Variants in CSMD3 observed in about 807,000 individuals in gnomAD.
The protein encoded by CSMD3 is CUB and sushi domain-containing protein 3.
Under a neutral mutation model 435.2 loss-of-function variants are expected in CSMD3, and 177 were observed. That is an observed-to-expected ratio of 0.41 (90% CI 0.36 to 0.46). CSMD3 has a LOEUF of 0.46. CSMD3 is among the 20% of genes least tolerant of loss of function. CSMD3 has a pLI of 0.34. For synonymous variants in CSMD3, 1,656 were observed against 1,520.5 expected, an observed-to-expected ratio of 1.09 and a Z score of -2.07; for missense variants, 4,265 against 4,504.6, an observed-to-expected ratio of 0.95 and a Z score of 1.52.
intron 4 of CSMD3, among the ~76,000 whole-genome samples, chr8:113,134,683 C>T (rs2356050): frequency 0.68 from 103,463 of 151,948 alleles, 37,052 homozygotes; most frequent in East Asian, 0.95. Context: ...GGGTTTTCAA[C>T]AGCCTTTATA....
intron 5 of CSMD3, among the ~76,000 whole-genome samples, chr8:113,043,933 G>C: frequency 6.6e-6 from 1 of 151,766 alleles, no homozygotes; most frequent in East Asian, 1.9e-4. Context: ...ACATATCCTA[G>C]GATTTTAAAA....
chr8:112,891,965 T>C (rs2081805363), intron 10 of CSMD3, among the ~76,000 whole-genome samples: 1 of 151,398 alleles, frequency 6.6e-6, no homozygotes, highest in Non-Finnish European at 1.5e-5. Flanking sequence ...TGTGGGAATA[T>C]AAAATTATGT....
intron 5 of CSMD3, among the ~76,000 whole-genome samples, chr8:113,070,915 C>T (rs916924858): frequency 2.0e-5 from 3 of 151,994 alleles, no homozygotes; most frequent in African/African-American, 7.2e-5. Context: ...CCATAAAGAG[C>T]ATACCAATTT....
intron 5 of CSMD3, among the ~76,000 whole-genome samples, chr8:113,086,239 A>G (rs2089773475): frequency 6.7e-6 from 1 of 148,994 alleles, no homozygotes. Flanking sequence ...ACAAAGCGAG[A>G]CTCCGTCAAA....
At chr8:113,171,897 C>G (rs1375635704) in intron 4 of CSMD3, among the ~76,000 whole-genome samples, 1 of 152,198 alleles carries the variant, frequency 6.6e-6, no homozygotes, top group Non-Finnish European at 1.5e-5. Flanking sequence ...ACTCTGCTTA[C>G]AGCCTTGAGA....
At chr8:112,501,176 G>A (rs1821915141) in intron 30 of CSMD3, among the ~76,000 whole-genome samples, 1 of 151,394 alleles carries the variant, frequency 6.6e-6, no homozygotes, top group African/African-American at 2.4e-5. Context: ...AATCTTCTTG[G>A]CGCCAAATGA....
Position 112,254,282 on chromosome 8 carries a change from C to A in CSMD3, c.10081G>T (p.Gly3361Ter). The A allele has an allele frequency of 6.2e-7, 1 of 1,612,654 alleles. No individual in the cohort carries two copies. The highest frequency in any genetic ancestry group is 8.5e-7 in the Non-Finnish European group (1 of 1,178,908). ...SCENPGVPRH[G>*]SQNNTFGFQV... The stretch of plus-strand genomic sequence containing the variant: ...AATCCGAATGTATTGTTCTGAGATC[C>A]ATGCCGAGGCACACCTGGGTTTTCA... The change falls in exon 63 of 71, where the codon GGA becomes TGA. Residue 3361 changes from glycine to a stop codon, truncating the protein, a stop_gained. Coordinates refer to ENST00000297405, the MANE Select transcript of CSMD3 (RefSeq NM_198123.2). LOFTEE classifies it high-confidence loss of function.
chr8:112,653,458 T>A (rs909009899), intron 18 of CSMD3, among the ~76,000 whole-genome samples: 8 of 152,158 alleles, frequency 5.3e-5, no homozygotes, highest in African/African-American at 1.9e-4. Context: ...GTTTGTTCTG[T>A]ATCCATTTTC....
At chr8:112,310,940 A>G (rs375668168) in intron 50 of CSMD3, 38 bp downstream of exon 50, 318 of 1,547,708 alleles carry the variant, frequency 2.1e-4, no homozygotes, top group Non-Finnish European at 2.6e-4. Flanking sequence ...CTAATCTCAC[A>G]TTCATGTTTT....
chr8:112,518,123 G>A (rs1208447753), intron 27 of CSMD3, among the ~76,000 whole-genome samples: 2 of 152,070 alleles, frequency 1.3e-5, no homozygotes, highest in African/African-American at 4.8e-5. Flanking sequence ...GAATTTGAAG[G>A]AAATTGTGCT....
intron 5 of CSMD3, among the ~76,000 whole-genome samples, chr8:113,065,212 T>G (rs979427685): frequency 6.6e-5 from 10 of 152,174 alleles, no homozygotes; most frequent in Admixed American, 6.5e-4. Context: ...TTTGTTGATT[T>G]CAGCCTTAGG....
chr8:112,978,570 C>G (rs534304085), intron 6 of CSMD3, among the ~76,000 whole-genome samples: 2 of 151,964 alleles, frequency 1.3e-5, no homozygotes, highest in African/African-American at 4.8e-5. Flanking sequence ...AAGAGCTATA[C>G]TTCCCACCAA....
chr8:112,933,536 T>C (rs1401786896), intron 9 of CSMD3, among the ~76,000 whole-genome samples: 1 of 152,062 alleles, frequency 6.6e-6, no homozygotes, highest in Non-Finnish European at 1.5e-5. Flanking sequence ...CATTAAACAG[T>C]GGAAATAGCA....
chr8:112,940,120 A>G (rs1307462865), intron 9 of CSMD3, among the ~76,000 whole-genome samples: 3 of 151,980 alleles, frequency 2.0e-5, no homozygotes, highest in Non-Finnish European at 4.4e-5. Flanking sequence ...AAATGACTTT[A>G]TATTCAAAAG....
intron 3 of CSMD3, among the ~76,000 whole-genome samples, chr8:113,235,179 G>T: frequency 6.6e-6 from 1 of 152,076 alleles, no homozygotes. Flanking sequence ...TAACACACTA[G>T]TAATGTTTAG....
At position 113,328,674 on chromosome 8, in the gene CSMD3, A is replaced by C. The variant is rs553247175; in HGVS notation, c.179-13881T>G. 2.7e-5 allele frequency among the ~76,000 whole-genome samples: 4 copies of C among 148,824 alleles called. No individual in the cohort carries two copies. In the South Asian group the frequency reaches 6.4e-4, roughly 24 times the overall value. ...AGAATATGATTTCCACTGATGGTAC[A>C]TTCTAGTATTTAAAATACCATGTTT... is the stretch of plus-strand genomic sequence containing the variant. On this transcript the variant is annotated intron_variant, in intron 1 of 70. Transcript: ENST00000297405.
intron 38 of CSMD3, among the ~76,000 whole-genome samples, chr8:112,373,734 G>C (rs1041696533): frequency 2.6e-5 from 4 of 151,952 alleles, no homozygotes; most frequent in Non-Finnish European, 5.9e-5. Flanking sequence ...TACCTTTTTT[G>C]AAACTTGACA....
Position 112,638,792 on chromosome 8 carries a change from T to C in CSMD3, c.3430A>G (p.Thr1144Ala), listed in dbSNP as rs1259587748. The C allele has an allele frequency of 6.2e-7, 1 of 1,612,584 alleles. No individual in the cohort carries two copies. Among genetic ancestry groups the C allele is most frequent in the African/African-American group, 1.3e-5 (1 of 74,926 alleles). ...TTTCCATAGAGACCAGCATTGATTGTTGGAGGAAGATCTGAACCAGTCAGG... is the reference window on the plus strand; with the variant it reads ...TTTCCATAGAGACCAGCATTGATTGCTGGAGGAAGATCTGAACCAGTCAGG... ...ARLTGSDLPP[T>A]INAGLYGNFR... Residue 1144 changes from threonine (T) to alanine (A), a missense_variant, in exon 21 of 71, where the codon ACA (threonine) becomes GCA (alanine). By Grantham distance (58) the Thr-to-Ala change is moderately conservative (BLOSUM62 0). Transcript: ENST00000297405.
intron 7 of CSMD3, among the ~76,000 whole-genome samples, chr8:112,970,031 C>G (rs896308848): frequency 6.6e-6 from 1 of 152,014 alleles, no homozygotes; most frequent in Non-Finnish European, 1.5e-5. Context: ...ACTATCAATA[C>G]TAGTCTAAGA....
Sources: gnomAD v4.1 joint callset for allele counts (sites outside exome capture counted in the v4.1 genomes callset) on GRCh38, gnomAD v4.1.1 for gene constraint, MANE v1.5 for transcripts, NCBI Gene and HGNC (gene_info 2026-07-23, HGNC 2026-07-21) for gene names.